The following SMARCC2 variants were observed in gnomAD, a reference collection of about 807,000 sequenced individuals.
SMARCC2 encodes the protein SWI/SNF related BAF chromatin remodeling complex subunit C2, also known as SWI/SNF complex subunit SMARCC2.
A neutral mutation model predicts 151.3 loss-of-function variants in SMARCC2; 15 were observed. The ratio of observed to expected loss-of-function variants is 0.10; its 90% CI spans 0.07 to 0.15. The LOEUF is 0.15. Among genes scored for constraint, SMARCC2 ranks in the 10% least tolerant of loss-of-function variants. The pLI is 1.00. For synonymous variants in SMARCC2, 590 were observed against 609.5 expected (o/e 0.97, Z 0.47); for missense variants, 1,031 against 1,599.7 (o/e 0.64, Z 6.06).
chr12:56,169,121 C>G (rs1873411496), intron 25 of SMARCC2, among the ~76,000 whole-genome samples: 1 of 152,052 alleles, frequency 6.6e-6, no homozygotes, highest in African/African-American at 2.4e-5. Context: ...TGGTGAAACC[C>G]CATCTCTACT....
At chr12:56,173,445 C>G (rs535892140) in intron 17 of SMARCC2, among the ~76,000 whole-genome samples, 85 of 152,204 alleles carry the variant, frequency 5.6e-4, no homozygotes, top group Admixed American at 4.5e-3. Flanking sequence ...TCTATTGACT[C>G]CCCTACATTA....
chr12:56,167,248 G>A (rs1872965034), intron 26 of SMARCC2, among the ~76,000 whole-genome samples: 1 of 151,756 alleles, frequency 6.6e-6, no homozygotes, highest in Non-Finnish European at 1.5e-5. Context: ...CTACTGGGGA[G>A]GCTGAGGCAG....
At chr12:56,182,418 G>A (rs923703033) in intron 7 of SMARCC2, among the ~76,000 whole-genome samples, 7 of 151,162 alleles carry the variant, frequency 4.6e-5, no homozygotes, top group Admixed American at 1.3e-4. Flanking sequence ...TCCGCCTCCC[G>A]GGTTCAAGCG....
chr12:56,163,878 A>G (rs2135625018), intron 28 of SMARCC2, 113 bp from the exon 29 acceptor site: 1 of 622,242 alleles, frequency 1.6e-6, no homozygotes, highest in East Asian at 3.4e-5. Context: ...GGGTGGATGA[A>G]TGAGGTACCC....
In SMARCC2 at chr12:56,171,805, G is replaced by A. The variant is rs781455675; in HGVS notation, c.2059C>T (p.Leu687=). The A allele has an allele frequency of 5.0e-6, 8 of 1,613,740 alleles. No homozygotes were observed. Among genetic ancestry groups the A allele is most frequent in the African/African-American group, 1.3e-5 (1 of 74,932 alleles). ...ATGGGTTGGTAGGCCAGGGGGCCTA[G>A]GGAGGCCTCTGAGTCCTCCAGGTAT... ...DPYLEDSEAS[L]GPLAYQPIPF... is the part of the protein sequence containing the mutation. Residue 687 remains leucine (L), a synonymous_variant, in exon 21 of 29, where the codon CTA becomes TTA. Coordinates refer to ENST00000550164, the MANE Select transcript of SMARCC2 (RefSeq NM_001330288.2). This position sits in a 1 kb window ranked among gnomAD's most constrained non-coding sequence, Gnocchi z 4.2.
In SMARCC2 at chr12:56,172,980, A is replaced by G; in HGVS notation, c.1700T>C (p.Leu567Pro). 6.2e-7 allele frequency: 1 copy of G among 1,614,064 alleles called. No individual in the cohort carries two copies. Among genetic ancestry groups the G allele is most frequent in the Non-Finnish European group, 8.5e-7 (1 of 1,180,044 alleles). The stretch of plus-strand genomic sequence containing the variant: ...AGCCGTCTCTGGCACCAGGTCATCC[A>G]GCTCTTTGCCCTTTCGCCCAGCCTT... ...DTKAGRKGKELDDLVPETAKG... is the reference protein window; with the variant it reads ...DTKAGRKGKEPDDLVPETAKG... Residue 567 changes from leucine (L) to proline (P), a missense_variant, in exon 18 of 29, where the codon CTG becomes CCG. By Grantham distance (98) the Leu-to-Pro change is moderately conservative. This residue lies in a region of SMARCC2 where 99 missense variants were observed against 148.3 expected (regional missense o/e 0.67). Coordinates refer to ENST00000550164, the MANE Select transcript of SMARCC2 (RefSeq NM_001330288.2).
In SMARCC2 at chr12:56,169,809, T is replaced by TCTCGGA; in HGVS notation, c.2514_2515insTCCGAG (p.Ser837_Glu838dup). On this transcript the variant is annotated inframe_insertion, in exon 24 of 29. Coordinates refer to ENST00000550164, the MANE Select transcript of SMARCC2 (RefSeq NM_001330288.2). ...TCTCCATCACTCTTCTCGGACTCCT[T>TCTCGGA]CTCACTGTCGCCTTCTTTCCCTTTC... 1 of 1,614,106 alleles carries TCTCGGA rather than the reference T, an allele frequency of 6.2e-7. No homozygotes were observed. Among genetic ancestry groups the TCTCGGA allele is most frequent in the Non-Finnish European group, 8.5e-7 (1 of 1,179,998 alleles).
In SMARCC2 at chr12:56,171,584, G is replaced by A; in HGVS notation, c.2185+95C>T. The A allele has an allele frequency of 1.5e-5, 22 of 1,489,412 alleles. No individual in the cohort carries two copies. The highest frequency in any genetic ancestry group is 1.9e-5 in the Non-Finnish European group (21 of 1,104,776). 92.3% of individuals were successfully genotyped at this position (1,489,412 alleles called of 1,614,324 possible). Reference sequence around the variant, plus strand: ...GCTGAGGCCCGCACAGACAAGGCCAGCAGGGCAGCCAAACTTGAGAGGATT... The same window carrying A: ...GCTGAGGCCCGCACAGACAAGGCCAACAGGGCAGCCAAACTTGAGAGGATT... On this transcript the variant is annotated intron_variant, in intron 21 of 28. Coordinates refer to ENST00000550164, the MANE Select transcript of SMARCC2 (RefSeq NM_001330288.2). This position sits in a 1 kb window ranked among gnomAD's most constrained non-coding sequence, Gnocchi z 4.2.
At chr12:56,166,269 G>A (rs1394124101) in intron 26 of SMARCC2, among the ~76,000 whole-genome samples, 1 of 151,982 alleles carries the variant, frequency 6.6e-6, no homozygotes, top group African/African-American at 2.4e-5. Flanking sequence ...AGCCTCCCGA[G>A]TAGCTGGGAT....
intron 1 of SMARCC2, among the ~76,000 whole-genome samples, chr12:56,189,134 G>A (rs1487302536): frequency 1.0e-4 from 15 of 149,078 alleles, no homozygotes; most frequent in Non-Finnish European, 2.2e-4. Flanking sequence ...AGAGGGCGCA[G>A]CAGTGGGGGC....
rs144685761 is a variant in SMARCC2 at position 56,165,330 on chromosome 12, G to T, written c.3220C>A (p.Pro1074Thr). 120 of 1,494,920 alleles carry T rather than the reference G, an allele frequency of 8.0e-5. No individual in the cohort carries two copies. Among genetic ancestry groups the T allele is most frequent in the East Asian group, 6.7e-4 (28 of 41,980 alleles). 92.6% of individuals were successfully genotyped at this position (1,494,920 alleles called of 1,614,324 possible). The change falls in exon 27 of 29, where the codon CCT (proline) becomes ACT (threonine). Residue 1074 changes from proline to threonine, a missense_variant. Pro to Thr is a conservative substitution (Grantham distance 38). Transcript: ENST00000550164. Reference protein sequence around the residue: ...PGAVPPGVPPPGPHGPSPFPN... With the variant: ...PGAVPPGVPPTGPHGPSPFPN... ...ACATAACACTTACCATGGGGTCCAG[G>T]GGGGGGAACCCCTGGTGGGACTGCC... is the stretch of plus-strand genomic sequence containing the variant.
intron 22 of SMARCC2, 30 bp from the exon 23 acceptor site, chr12:56,170,238 G>C: frequency 6.3e-7 from 1 of 1,586,336 alleles, no homozygotes; most frequent in Non-Finnish European, 8.6e-7. Context: ...AAGAAAACAG[G>C]AAATGTTTAA....
chr12:56,167,596 AG>A (rs1873046610), intron 26 of SMARCC2, among the ~76,000 whole-genome samples: 1 of 152,036 alleles, frequency 6.6e-6, no homozygotes, highest in Non-Finnish European at 1.5e-5. Flanking sequence ...CCTGGATCTG[AG>A]GCTCTTACCC....
At chr12:56,184,339 T>C in intron 5 of SMARCC2, 95 bp from the exon 6 acceptor site, 1 of 849,080 alleles carries the variant, frequency 1.2e-6, no homozygotes. Context: ...ATTTTGCTTA[T>C]AATAGTATTA....
intron 5 of SMARCC2, 67 bp downstream of exon 5, chr12:56,184,777 T>G (rs1592323492): frequency 2.1e-6 from 2 of 945,690 alleles, no homozygotes; most frequent in East Asian, 4.8e-5. Context: ...GGGCTGCTGC[T>G]TGGTATAGAA....
intron 28 of SMARCC2, 83 bp from the exon 29 acceptor site, chr12:56,163,848 G>A (rs1565888754): frequency 2.5e-5 from 23 of 904,448 alleles, no homozygotes; most frequent in Middle Eastern, 4.3e-4. Context: ...AGACAGAACC[G>A]GGCATGGCAT....
intron 13 of SMARCC2, 73 bp downstream of exon 13, chr12:56,178,737 T>C (rs1875518240): frequency 2.6e-6 from 4 of 1,538,108 alleles, no homozygotes; most frequent in Non-Finnish European, 1.8e-6. Context: ...AGTGAAAAGT[T>C]TGGGCAGAAT....
chr12:56,181,884 C>T (rs763352966), intron 8 of SMARCC2, 49 bp from the exon 9 acceptor site: 2 of 1,613,246 alleles, frequency 1.2e-6, no homozygotes, highest in Admixed American at 1.7e-5. Flanking sequence ...GAAGCCACAG[C>T]TCTGTCTGGG....
intron 7 of SMARCC2, 72 bp from the exon 8 acceptor site, chr12:56,182,151 T>C (rs1042133411): frequency 6.7e-6 from 7 of 1,041,672 alleles, no homozygotes; most frequent in Non-Finnish European, 8.6e-6. Context: ...GCAGATCTTT[T>C]ACCCTTTCCA....
Sources: allele counts gnomAD v4.1 joint callset (sites outside exome capture counted in the v4.1 genomes callset), GRCh38; gene constraint gnomAD v4.1.1; regional missense constraint gnomAD v4.1.1; non-coding constraint Gnocchi (gnomAD v3.1); transcripts MANE v1.5; gene names NCBI Gene and HGNC (gene_info 2026-07-23, HGNC 2026-07-21).